Variants in TMEM266 observed in about 807,000 individuals in gnomAD.
TMEM266 encodes transmembrane protein 266, also known as Hv1 related protein 1.
In TMEM266, 33 loss-of-function variants were observed where a neutral mutation model predicts 50.5. The ratio of observed to expected loss-of-function variants is 0.65; its 90% confidence interval spans 0.50 to 0.87. The LOEUF (loss-of-function observed/expected upper bound fraction) is 0.87, where lower values mean the gene tolerates loss of function less well. TMEM266 is among the 40% of genes least tolerant of loss of function. The probability of loss-of-function intolerance (pLI) is 0.00; values close to 1 mark genes in which losing one functional copy is unlikely to be tolerated. For missense variants in TMEM266, 655 were observed against 695.1 expected (o/e 0.94, Z 0.65); for synonymous variants, 310 against 292.3 (o/e 1.06, Z -0.62).
intron 1 of TMEM266, among the ~76,000 whole-genome samples, chr15:76,061,164 A>T (rs1164692864): frequency 6.6e-6 from 1 of 152,232 alleles, no homozygotes; most frequent in African/African-American, 2.4e-5. Flanking sequence ...CTAGAAGCAA[A>T]AAATGAAAAT....
In TMEM266 at chr15:76,137,725, A is replaced by G; in HGVS notation, c.57A>G (p.Gly19=). The G allele has an allele frequency of 6.2e-7, 1 of 1,614,122 alleles. No homozygotes were observed. The highest frequency in any genetic ancestry group is 1.1e-5 in the South Asian group (1 of 91,080). Residue 19 remains glycine (G), a synonymous_variant, in exon 3 of 11, where the codon GGA becomes GGG. Coordinates refer to ENST00000388942, the MANE Select transcript of TMEM266 (RefSeq NM_152335.3). ...AACCCAGGCCTGCCATAGAAGGAGG[A>G]ATTTCTGAAGTTGAGATCATCTCCC...
chr15:76,193,817 A>G (rs528690542), intron 9 of TMEM266, among the ~76,000 whole-genome samples: 6 of 152,234 alleles, frequency 3.9e-5, no homozygotes, highest in African/African-American at 1.2e-4. Flanking sequence ...CCCAGCTGAG[A>G]CTGTTTAGAG....
intron 5 of TMEM266, among the ~76,000 whole-genome samples, chr15:76,162,541 G>T (rs983061924): frequency 1.3e-5 from 2 of 152,178 alleles, no homozygotes; most frequent in African/African-American, 4.8e-5. Context: ...GTCAGTGGTG[G>T]GTCAGCCTGT....
At chr15:76,188,662 A>G (rs2038523848) in intron 8 of TMEM266, among the ~76,000 whole-genome samples, 3 of 152,212 alleles carry the variant, frequency 2.0e-5, no homozygotes, top group African/African-American at 4.8e-5. Flanking sequence ...ACTCACTATC[A>G]TGAGAAAGCA....
chr15:76,126,458 A>T (rs2037424822), intron 1 of TMEM266, among the ~76,000 whole-genome samples: 1 of 151,026 alleles, frequency 6.6e-6, no homozygotes, highest in Non-Finnish European at 1.5e-5. Context: ...TTGCAACAAG[A>T]TGGATGTACC....
intron 8 of TMEM266, among the ~76,000 whole-genome samples, chr15:76,188,119 T>C (rs1165900605): frequency 6.9e-6 from 1 of 145,252 alleles, no homozygotes; most frequent in African/African-American, 2.5e-5. Flanking sequence ...CACTAGGGGC[T>C]GAACAAGAGG....
chr15:76,201,665 A>G (rs2142092152), intron 9 of TMEM266, among the ~76,000 whole-genome samples: 1 of 152,190 alleles, frequency 6.6e-6, no homozygotes, highest in Admixed American at 6.5e-5. Flanking sequence ...GGTGGTGGAG[A>G]TCCCCAGCAC....
At chr15:76,140,669 A>G (rs1031690114) in intron 3 of TMEM266, among the ~76,000 whole-genome samples, 2 of 152,128 alleles carry the variant, frequency 1.3e-5, no homozygotes, top group African/African-American at 2.4e-5. Context: ...AGACCTAAAC[A>G]CATCCATCCT....
intron 1 of TMEM266, among the ~76,000 whole-genome samples, chr15:76,082,108 G>C (rs2036702843): frequency 6.6e-6 from 1 of 152,050 alleles, no homozygotes; most frequent in Non-Finnish European, 1.5e-5. Context: ...TCATGTCTTT[G>C]CTTAAAAACA....
chr15:76,089,791 T>C (rs2036825049), intron 1 of TMEM266, among the ~76,000 whole-genome samples: 1 of 151,820 alleles, frequency 6.6e-6, no homozygotes, highest in African/African-American at 2.4e-5. Context: ...AAGTGAGAAA[T>C]AATGAGGATC....
chr15:76,196,976 A>G (rs150752898), intron 9 of TMEM266, among the ~76,000 whole-genome samples: 2 of 152,360 alleles, frequency 1.3e-5, no homozygotes, highest in East Asian at 3.9e-4. Context: ...TATGAATTAC[A>G]GCCCCTGGTG....
At chr15:76,134,026 G>C (rs762397540) in intron 1 of TMEM266, 142 bp from the exon 2 acceptor site, 6 of 418,076 alleles carry the variant, frequency 1.4e-5, no homozygotes, top group Non-Finnish European at 2.1e-5. Context: ...TCTTCCATAG[G>C]GTAATTGTAA....
chr15:76,191,559 G>A (rs2038569828), intron 8 of TMEM266: 1 of 157,354 alleles, frequency 6.4e-6, no homozygotes, highest in Admixed American at 6.5e-5. Context: ...GGTGTCCTGA[G>A]GTTTCCTGTT....
chr15:76,087,177 A>G (rs892020619), intron 1 of TMEM266, among the ~76,000 whole-genome samples: 6 of 152,100 alleles, frequency 3.9e-5, no homozygotes, highest in African/African-American at 1.4e-4. Flanking sequence ...AAAGTACTAG[A>G]GAAAAAAGAC....
chr15:76,175,641 G>A lies in TMEM266; in HGVS notation c.735G>A (p.Leu245=). The A allele has an allele frequency of 6.2e-7, 1 of 1,614,180 alleles. No individual in the cohort carries two copies. ...CCAAGGTCATCCAAGACGAGCAGCT[G>A]GAGAGGCTGACGCAGATCTGTCAGG... The change falls in exon 8 of 11, where the codon CTG becomes CTA. Residue 245 remains leucine (L), a synonymous_variant. Coordinates refer to ENST00000388942, the MANE Select transcript of TMEM266 (RefSeq NM_152335.3).
chr15:76,118,124 C>T (rs2959827), intron 1 of TMEM266, among the ~76,000 whole-genome samples: 6,785 of 152,294 alleles, frequency 0.045, 486 homozygotes, highest in African/African-American at 0.15. Context: ...AGATCCACAG[C>T]CTTTTTGATT....
At position 76,093,971 on chromosome 15, in the gene TMEM266, T is replaced by C. The variant is rs372284961; in HGVS notation, c.-97+33955T>C. Among the ~76,000 whole-genome samples the C allele has an allele frequency of 2.7e-4, 41 of 152,250 alleles. No individual in the cohort carries two copies. In the East Asian group the frequency reaches 7.9e-3, roughly 29 times the overall value. On this transcript the variant is annotated intron_variant, in intron 1 of 10. Transcript: ENST00000388942. ...ACTTTTTGATGGGGTTGCTTGTTTTTTTCTTGTAAATTTGTTTAAGTTCTT... is the reference window on the plus strand; with the variant it reads ...ACTTTTTGATGGGGTTGCTTGTTTTCTTCTTGTAAATTTGTTTAAGTTCTT...
chr15:76,179,323 A>G (rs1186088257), intron 8 of TMEM266, among the ~76,000 whole-genome samples: 1 of 152,194 alleles, frequency 6.6e-6, no homozygotes, highest in Non-Finnish European at 1.5e-5. Context: ...AGCCTGACAC[A>G]TGATGGGTAG....
chr15:76,164,692 G>T (rs2038066447), intron 5 of TMEM266, among the ~76,000 whole-genome samples: 1 of 152,222 alleles, frequency 6.6e-6, no homozygotes, highest in African/African-American at 2.4e-5. Flanking sequence ...AGTGCCAGGG[G>T]TCAGCCAGCA....
Sources: gnomAD v4.1 joint callset for allele counts (sites outside exome capture counted in the v4.1 genomes callset) on GRCh38, gnomAD v4.1.1 for gene constraint, MANE v1.5 for transcripts, NCBI Gene and HGNC (gene_info 2026-07-23, HGNC 2026-07-21) for gene names.